Variants in GPHN observed in about 807,000 individuals in gnomAD.
The protein encoded by GPHN is gephyrin.
A neutral mutation model predicts 95.5 loss-of-function variants in GPHN; 17 were observed. That is an observed-to-expected ratio of 0.18 (90% CI 0.12 to 0.27). GPHN has a LOEUF of 0.27. Ranked by LOEUF, GPHN falls within the 10% of genes least tolerant of loss-of-function variation. The probability of loss-of-function intolerance (pLI) is 1.00; values close to 1 mark genes in which losing one functional copy is unlikely to be tolerated. For synonymous variants in GPHN, 320 were observed against 322.5 expected (o/e 0.99, Z 0.08); for missense variants, 660 against 978.1 (o/e 0.67, Z 4.34).
chr14:67,629,340 T>A, the GPHN span, among the ~76,000 whole-genome samples: 1 of 152,168 alleles, frequency 6.6e-6, no homozygotes, highest in African/African-American at 2.4e-5. Flanking sequence ...TAAAGCCTCA[T>A]CTGTTTAAGA....
chr14:66,903,564 A>G (rs1454424440), intron 5 of GPHN, among the ~76,000 whole-genome samples: 1 of 152,120 alleles, frequency 6.6e-6, no homozygotes, highest in Non-Finnish European at 1.5e-5. Context: ...CCTGTAGGTA[A>G]CACATAGTTG....
At chr14:66,540,024 A>G (rs1330824852) in intron 1 of GPHN, among the ~76,000 whole-genome samples, 1 of 152,238 alleles carries the variant, frequency 6.6e-6, no homozygotes, top group Non-Finnish European at 1.5e-5. Flanking sequence ...AAAGTAATAC[A>G]CAATGTATTG....
At chr14:66,587,814 G>A (rs1001487478) in intron 1 of GPHN, among the ~76,000 whole-genome samples, 1 of 152,138 alleles carries the variant, frequency 6.6e-6, no homozygotes, top group Non-Finnish European at 1.5e-5. Context: ...GTGCAGCTTC[G>A]GCAGACTTAA....
chr14:67,538,496 C>T, the GPHN span, among the ~76,000 whole-genome samples: 1 of 152,292 alleles, frequency 6.6e-6, no homozygotes, highest in East Asian at 1.9e-4. Flanking sequence ...TCTGCTCATC[C>T]TTGTGCATTT....
At chr14:67,582,729 C>T in the GPHN span, among the ~76,000 whole-genome samples, 1 of 151,968 alleles carries the variant, frequency 6.6e-6, no homozygotes, top group South Asian at 2.1e-4. The surrounding 1 kb of genome is among the most constrained non-coding windows in gnomAD (Gnocchi z 5.0). Context: ...CCCAGCTACT[C>T]GGCAGGCTGA....
chr14:67,338,312 A>G, the GPHN span: 1 of 210,424 alleles, frequency 4.8e-6, no homozygotes, highest in African/African-American at 2.3e-5. Flanking sequence ...ATGCTTCCTA[A>G]GAGGTATTTC....
At chr14:67,572,268 C>G in the GPHN span, 1 of 1,599,762 alleles carries the variant, frequency 6.3e-7, no homozygotes, top group Non-Finnish European at 8.5e-7. Context: ...ACGGGCTGGG[C>G]CTGGGCGGGG....
chr14:67,660,674 G>A, the GPHN span, among the ~76,000 whole-genome samples: 46 of 152,282 alleles, frequency 3.0e-4, 1 homozygote, highest in African/African-American at 1.1e-3. Flanking sequence ...AGGGGAATCA[G>A]ACTTCCATTT....
the GPHN span, chr14:67,447,107 T>C: frequency 1.3e-5 from 2 of 152,232 alleles, no homozygotes; most frequent in African/African-American, 4.8e-5. Flanking sequence ...CAGAAATTTA[T>C]TTCTCACAGT....
chr14:67,435,140 C>T, the GPHN span, among the ~76,000 whole-genome samples: 20,278 of 151,772 alleles, frequency 0.13, 2,452 homozygotes, highest in African/African-American at 0.31. Flanking sequence ...CTAATTTTTG[C>T]ATTTTTAGTA....
At position 66,988,638 on chromosome 14, in the gene GPHN, G is replaced by A. The variant is rs113033681; in HGVS notation, c.963+23313G>A. Among the ~76,000 whole-genome samples the A allele has an allele frequency of 2.0e-3, 310 of 152,108 alleles. 1 individual carries two copies. The highest frequency in any genetic ancestry group is 3.3e-3 in the Non-Finnish European group (223 of 67,918). On this transcript the variant is annotated intron_variant, in intron 9 of 22. Coordinates refer to ENST00000478722, the MANE Select transcript of GPHN (RefSeq NM_020806.5). ...GCATCTTACAAATACTTGAGCTAAA[G>A]TCTAATATACCCAAGACAACCATTG...
intron 2 of GPHN, among the ~76,000 whole-genome samples, chr14:66,721,056 G>C (rs1316813550): frequency 1.3e-5 from 2 of 152,132 alleles, no homozygotes; most frequent in Non-Finnish European, 2.9e-5. Context: ...TTATTCTGCT[G>C]TATCTTGGCT....
chr14:67,726,360 C>T, the GPHN span, among the ~76,000 whole-genome samples: 6 of 152,172 alleles, frequency 3.9e-5, no homozygotes, highest in African/African-American at 1.4e-4. Context: ...CATTAAGAAG[C>T]CCCAAATTTC....
intron 16 of GPHN, among the ~76,000 whole-genome samples, chr14:67,118,990 G>A (rs1373169709): frequency 6.6e-6 from 1 of 152,154 alleles, no homozygotes; most frequent in Non-Finnish European, 1.5e-5. Context: ...AGGATTTTGA[G>A]GACTAGGGTT....
the GPHN span, among the ~76,000 whole-genome samples, chr14:67,657,520 G>C: frequency 6.6e-6 from 1 of 152,024 alleles, no homozygotes; most frequent in African/African-American, 2.4e-5. Flanking sequence ...AAGTAGCCTT[G>C]TCAGGCCAGA....
chr14:67,090,738 A>G (rs1008898913), intron 12 of GPHN, among the ~76,000 whole-genome samples: 1 of 152,066 alleles, frequency 6.6e-6, no homozygotes, highest in Non-Finnish European at 1.5e-5. Context: ...ATAGCAAATG[A>G]TTAAGGCTAC....
intron 1 of GPHN, among the ~76,000 whole-genome samples, chr14:66,576,256 G>T (rs2140414887): frequency 6.6e-6 from 1 of 152,282 alleles, no homozygotes; most frequent in Non-Finnish European, 1.5e-5. Context: ...CACAGGAGCT[G>T]GCCTGGTACT....
At chr14:67,439,589 C>CTTTCTTTT in the GPHN span, among the ~76,000 whole-genome samples, 1 of 123,586 alleles carries the variant, frequency 8.1e-6, no homozygotes, top group African/African-American at 3.7e-5. Context: ...TTCTTTCTTT[C>CTTTCTTTT]TTTCTTCTTT....
At chr14:67,057,406 A>G (rs1324035812) in intron 10 of GPHN, among the ~76,000 whole-genome samples, 1 of 106,202 alleles carries the variant, frequency 9.4e-6, no homozygotes, top group Non-Finnish European at 1.6e-5. Flanking sequence ...ACATGGGCAC[A>G]TGGGTGGGGG....
Sources: allele counts gnomAD v4.1 joint callset (sites outside exome capture counted in the v4.1 genomes callset), GRCh38; gene constraint gnomAD v4.1.1; non-coding constraint Gnocchi (gnomAD v3.1); transcripts MANE v1.5; gene names NCBI Gene and HGNC (gene_info 2026-07-23, HGNC 2026-07-21).